The following LMLN variants were observed in gnomAD, a reference collection of about 807,000 sequenced individuals.
LMLN encodes the protein leishmanolysin like peptidase, also known as leishmanolysin-like peptidase.
Under a neutral mutation model 92.3 loss-of-function variants are expected in LMLN, and 70 were observed. That is an observed-to-expected ratio of 0.76 (90% CI 0.63 to 0.92). The LOEUF is 0.92. Among genes scored for constraint, LMLN ranks in the 40% least tolerant of loss-of-function variants. The pLI is 0.00. For missense variants in LMLN, 691 were observed against 814.6 expected (o/e 0.85, Z 1.85); for synonymous variants, 308 against 296.2 (o/e 1.04, Z -0.41).
At position 198,013,558 on chromosome 3, in the gene LMLN, A is replaced by G. The variant is rs1425998766; in HGVS notation, c.1233-5695A>G. On this transcript the variant is annotated intron_variant, in intron 11 of 15. Coordinates refer to ENST00000330198, the Ensembl canonical transcript of LMLN. ...CTGTACCCTTCAAAGCCTCCTAACT[A>G]GTCTGACTTCTCTGTACCCTTCAGA... Among the ~76,000 whole-genome samples, 17 of 128,790 alleles carry G rather than the reference A, an allele frequency of 1.3e-4. No individual in the cohort carries two copies. In the East Asian group the frequency reaches 2.6e-3, roughly 20 times the overall value. 84.5% of individuals were successfully genotyped at this position (128,790 alleles called of 152,430 possible). A position where few individuals can be genotyped will look rare whatever the true frequency, so the allele number is the denominator to read the frequency against.
At chr3:198,006,005 T>C (rs1722283505) in intron 11 of LMLN, among the ~76,000 whole-genome samples, 1 of 152,038 alleles carries the variant, frequency 6.6e-6, no homozygotes, top group Non-Finnish European at 1.5e-5. Flanking sequence ...TAACCCTAGC[T>C]ACTCAGGAGG....
In LMLN at chr3:198,019,030, G is replaced by A. The variant is rs1234933239; in HGVS notation, c.1233-223G>A. Among the ~76,000 whole-genome samples the A allele has an allele frequency of 6.6e-6, 1 of 152,218 alleles. No individual in the cohort carries two copies. The highest frequency in any genetic ancestry group is 1.5e-5 in the Non-Finnish European group (1 of 68,048). ...AAAATAAGATTGTCTGGTGAAGGTGGTCAGTTAAACAAACTGTCAGATTAT... is the reference window on the plus strand; with the variant it reads ...AAAATAAGATTGTCTGGTGAAGGTGATCAGTTAAACAAACTGTCAGATTAT... On this transcript the variant is annotated intron_variant, in intron 11 of 15. Coordinates refer to ENST00000330198, the Ensembl canonical transcript of LMLN. The surrounding 1 kb of genome is among the most constrained non-coding windows in gnomAD (Gnocchi z 5.5).
chr3:197,962,887 A>C (rs1407871772), intron 1 of LMLN, among the ~76,000 whole-genome samples: 1 of 151,958 alleles, frequency 6.6e-6, no homozygotes, highest in East Asian at 1.9e-4. Flanking sequence ...CTTCCTTTTC[A>C]AAATGATTTT....
rs71166715 is a variant in LMLN at position 198,020,768 on chromosome 3, A to ATTTTTTTTTTTTTTTTTTTTT, written c.1366-666_1366-646dup. On this transcript the variant is annotated intron_variant, in intron 12 of 15. Transcript: ENST00000330198. ...GCCACCACACCCAGCTAATTTTTGT[A>ATTTTTTTTTTTTTTTTTTTTT]TTTTTTTTTTTTTTTTTTTTTTTTT... Among the ~76,000 whole-genome samples the ATTTTTTTTTTTTTTTTTTTTT allele has an allele frequency of 9.1e-5, 3 of 32,860 alleles. 1 individual carries two copies. The highest frequency in any genetic ancestry group is 2.4e-4 in the African/African-American group (2 of 8,328). The allele number at this position is 32,860 out of a possible 152,430, so 21.6% of individuals were successfully genotyped here. A position where few individuals can be genotyped will look rare whatever the true frequency, so the allele number is the denominator to read the frequency against.
At chr3:198,038,533 T>G in intron 15 of LMLN, 34 bp from the exon 17 acceptor site, 1 of 1,445,820 alleles carries the variant, frequency 6.9e-7, no homozygotes, top group Non-Finnish European at 9.7e-7. Context: ...CCAAAATTGT[T>G]TATAGAAAGT....
chr3:197,986,817 T>G (rs375526988), intron 8 of LMLN, among the ~76,000 whole-genome samples: 2 of 151,878 alleles, frequency 1.3e-5, no homozygotes, highest in East Asian at 3.9e-4. Context: ...ATTCTTTTAA[T>G]GTTCTGTATG....
intron 5 of LMLN, among the ~76,000 whole-genome samples, chr3:197,979,524 A>T (rs1298712205): frequency 1.3e-5 from 2 of 152,198 alleles, no homozygotes; most frequent in South Asian, 4.2e-4. Flanking sequence ...ATATATATTT[A>T]AAAAATTTTT....
chr3:198,032,792 C>A (rs1412450967), intron 14 of LMLN, among the ~76,000 whole-genome samples: 2 of 152,206 alleles, frequency 1.3e-5, no homozygotes, highest in Non-Finnish European at 2.9e-5. Flanking sequence ...CACTGGGAAT[C>A]ATATTTCAAC....
At chr3:198,036,740 A>G (rs1443053948) in intron 15 of LMLN, among the ~76,000 whole-genome samples, 2 of 152,244 alleles carry the variant, frequency 1.3e-5, no homozygotes, top group African/African-American at 4.8e-5. Flanking sequence ...CTGATAATGC[A>G]TTGCTGAGAG....
At chr3:197,971,647 C>T (rs1043891678) in intron 1 of LMLN, among the ~76,000 whole-genome samples, 13 of 152,226 alleles carry the variant, frequency 8.5e-5, no homozygotes, top group Middle Eastern at 3.4e-3. Context: ...TGCAGTGGCA[C>T]GATCTTGGCT....
At chr3:198,012,381 G>T (rs184241505) in intron 11 of LMLN, among the ~76,000 whole-genome samples, 1 of 152,192 alleles carries the variant, frequency 6.6e-6, no homozygotes, top group Non-Finnish European at 1.5e-5. Flanking sequence ...TGGGTGAAGC[G>T]TTGCACAAAT....
At chr3:197,966,078 C>T (rs567626225) in intron 1 of LMLN, among the ~76,000 whole-genome samples, 43 of 152,158 alleles carry the variant, frequency 2.8e-4, no homozygotes, top group African/African-American at 7.5e-4. Flanking sequence ...AGTCTCTCTC[C>T]GTTGCCCAGG....
At chr3:197,977,406 A>G (rs966650758) in intron 5 of LMLN, among the ~76,000 whole-genome samples, 1 of 152,128 alleles carries the variant, frequency 6.6e-6, no homozygotes, top group African/African-American at 2.4e-5. Context: ...TCATCAAACA[A>G]TCTGGAAGTA....
chr3:198,024,458 G>A (rs1722870149), intron 13 of LMLN, among the ~76,000 whole-genome samples, 200 bp from the exon 15 acceptor site: 1 of 152,036 alleles, frequency 6.6e-6, no homozygotes, highest in Non-Finnish European at 1.5e-5. Flanking sequence ...CTCGTGATCT[G>A]CCCACCTCAG....
rs559650629 is a variant in LMLN at position 197,999,439 on chromosome 3, C to G, written c.1232+97C>G. ...AAAATGCTGACATTTTATGCTGAAG[C>G]AAAATATACTTATTAATTATTTGAA... On this transcript the variant is annotated intron_variant, in intron 11 of 15. Coordinates refer to ENST00000330198, the Ensembl canonical transcript of LMLN. 6 of 767,828 alleles carry G rather than the reference C, an allele frequency of 7.8e-6. No individual in the cohort carries two copies. In the African/African-American group the frequency reaches 1.0e-4, roughly 13 times the overall value. The allele number at this position is 767,828 out of a possible 1,614,324, so 47.6% of individuals were successfully genotyped here.
intron 1 of LMLN, among the ~76,000 whole-genome samples, chr3:197,971,631 C>G (rs1721226258): frequency 6.6e-6 from 1 of 152,156 alleles, no homozygotes; most frequent in Non-Finnish European, 1.5e-5. Flanking sequence ...GTTGCCCAGG[C>G]TGGAGTGCAG....
intron 1 of LMLN, among the ~76,000 whole-genome samples, chr3:197,962,818 C>A: frequency 6.7e-6 from 1 of 149,608 alleles, no homozygotes; most frequent in East Asian, 1.9e-4. Context: ...GGATTATGTA[C>A]CTCTGTAATA....
chr3:197,988,893 GT>G (rs1306704044), intron 8 of LMLN, among the ~76,000 whole-genome samples: 6 of 152,040 alleles, frequency 3.9e-5, no homozygotes, highest in Admixed American at 3.9e-4. Context: ...TGTTTGCCAG[GT>G]TTGGTCTCAT....
chr3:197,999,178 A>G (rs1722104703), intron 10 of LMLN, 88 bp from the exon 11 acceptor site: 1 of 926,906 alleles, frequency 1.1e-6, no homozygotes, highest in Admixed American at 1.9e-5. Context: ...CAGTTGAAAC[A>G]TTTTAAATAT....
Sources: allele counts gnomAD v4.1 joint callset (sites outside exome capture counted in the v4.1 genomes callset), GRCh38; gene constraint gnomAD v4.1.1; non-coding constraint Gnocchi (gnomAD v3.1); transcripts MANE v1.5; gene names NCBI Gene and HGNC (gene_info 2026-07-23, HGNC 2026-07-21).